Variants in WARS1 observed in about 807,000 individuals in gnomAD.
WARS1 encodes tryptophanyl-tRNA synthetase 1.
A neutral mutation model predicts 47.8 loss-of-function variants in WARS1; 17 were observed. That is an observed-to-expected ratio of 0.36 (90% CI 0.24 to 0.53). The LOEUF (loss-of-function observed/expected upper bound fraction) is 0.53, where lower values mean the gene tolerates loss of function less well. Among genes scored for constraint, WARS1 ranks in the 20% least tolerant of loss-of-function variants. The pLI, the probability that WARS1 is intolerant of heterozygous loss-of-function variation, is 0.91. For missense variants in WARS1, 434 were observed against 608.0 expected (o/e 0.71, Z 3.01); for synonymous variants, 208 against 228.1 (o/e 0.91, Z 0.79).
At position 100,347,234 on chromosome 14, in the gene WARS1, T is replaced by A. The variant is rs141870087; in HGVS notation, c.726-388A>T. On this transcript the variant is annotated intron_variant, in intron 6 of 10. Transcript: ENST00000392882. ...AGTCTGGGAGCCCCCAGGAGCTTCT[T>A]AGCTGAGACATACTGTGTTGTGGGA... 1.2e-4 allele frequency among the ~76,000 whole-genome samples: 18 copies of A among 152,344 alleles called. 1 individual carries two copies. In the East Asian group the frequency reaches 3.3e-3, roughly 28 times the overall value.
intron 2 of WARS1, 93 bp from the exon 3 acceptor site, chr14:100,362,014 T>C: frequency 1.5e-6 from 2 of 1,315,938 alleles, no homozygotes; most frequent in East Asian, 2.4e-5. Context: ...TGTTAAATGC[T>C]TTTACACGTG....
chr14:100,343,739 G>A (rs1013565858), intron 7 of WARS1, among the ~76,000 whole-genome samples: 1 of 152,030 alleles, frequency 6.6e-6, no homozygotes, highest in African/African-American at 2.4e-5. Context: ...TGGGGTTCAA[G>A]TGATTCTCCT....
intron 6 of WARS1, among the ~76,000 whole-genome samples, chr14:100,352,252 C>T (rs1400876719): frequency 6.6e-6 from 1 of 150,924 alleles, no homozygotes; most frequent in East Asian, 2.0e-4. Flanking sequence ...GCTGCAACTA[C>T]AGGAGCACGC....
intron 9 of WARS1, chr14:100,339,983 C>G (rs1207770171): frequency 6.6e-6 from 1 of 152,244 alleles, no homozygotes; most frequent in Non-Finnish European, 1.5e-5. Context: ...GCAGATGTGC[C>G]ATCCGTGGAG....
chr14:100,334,708 G>A lies in WARS1; in HGVS notation c.*167C>T, dbSNP rs190120860. 430 of 689,934 alleles carry A rather than the reference G, an allele frequency of 6.2e-4. No individual in the cohort carries two copies. The African/African-American group carries it at 7.0e-3, about 11-fold the overall frequency. 42.7% of individuals were successfully genotyped at this position (689,934 alleles called of 1,614,324 possible). A position where few individuals can be genotyped will look rare whatever the true frequency, so the allele number is the denominator to read the frequency against. On this transcript the variant is annotated 3_prime_UTR_variant, in exon 11 of 11. Transcript: ENST00000392882. ...TTGCCCATAAGAGATAGAAATAATG[G>A]AACTCACAGGAAGAAACAGTATTGA...
chr14:100,355,799 T>C (rs550679007), intron 4 of WARS1, among the ~76,000 whole-genome samples: 10 of 152,286 alleles, frequency 6.6e-5, no homozygotes, highest in East Asian at 5.8e-4. Context: ...TCATTTTTTT[T>C]CCCCATGAAA....
At chr14:100,336,029 A>G (rs1893697660) in intron 10 of WARS1, among the ~76,000 whole-genome samples, 1 of 151,650 alleles carries the variant, frequency 6.6e-6, no homozygotes. Flanking sequence ...TAATCCAAGC[A>G]CTTTGGGAGG....
At chr14:100,344,612 G>C (rs377570650) in intron 7 of WARS1, among the ~76,000 whole-genome samples, 1 of 148,468 alleles carries the variant, frequency 6.7e-6, no homozygotes, top group African/African-American at 2.5e-5. Context: ...GTCTCTGCCC[G>C]GCCGCCATCC....
At chr14:100,349,123 A>G (rs928971444) in intron 6 of WARS1, among the ~76,000 whole-genome samples, 1 of 152,170 alleles carries the variant, frequency 6.6e-6, no homozygotes, top group Non-Finnish European at 1.5e-5. Context: ...TCACTCTCAG[A>G]CAGGGTTTAA....
At chr14:100,354,183 A>G in intron 5 of WARS1, 1 of 514,934 alleles carries the variant, frequency 1.9e-6, no homozygotes, top group Non-Finnish European at 3.4e-6. Context: ...GAGAAGTAGC[A>G]GGCCCATGGC....
chr14:100,366,175 G>T (rs147078735), intron 2 of WARS1: 2 of 449,554 alleles, frequency 4.4e-6, no homozygotes, highest in East Asian at 7.0e-5. Context: ...AGGGAGCTTC[G>T]GGGAAGGATC....
intron 7 of WARS1, among the ~76,000 whole-genome samples, chr14:100,345,805 C>T (rs1894573760): frequency 6.6e-6 from 1 of 152,258 alleles, no homozygotes; most frequent in South Asian, 2.1e-4. Context: ...TTTGACCTCT[C>T]TATGGCCCGA....
At chr14:100,352,903 G>C (rs1040461056) in intron 6 of WARS1, 2 of 152,158 alleles carry the variant, frequency 1.3e-5, no homozygotes, top group Non-Finnish European at 1.5e-5. Context: ...GAAATATTTT[G>C]GTTTATTAAA....
intron 1 of WARS1, chr14:100,370,407 C>T (rs1896275352): frequency 6.6e-6 from 1 of 152,176 alleles, no homozygotes; most frequent in African/African-American, 2.4e-5. Context: ...GGCATGGTAG[C>T]ACTTTGTAAA....
In WARS1 at chr14:100,334,854, T is replaced by C; in HGVS notation, c.*21A>G. ...CATTACTGATACATCACTTCTTTTA[T>C]AAGCATATGTAAAACGAGTGCTACT... On this transcript the variant is annotated 3_prime_UTR_variant, in exon 11 of 11. Transcript: ENST00000392882. 2 of 1,611,076 alleles carry C rather than the reference T, an allele frequency of 1.2e-6. No homozygotes were observed. The highest frequency in any genetic ancestry group is 1.7e-6 in the Non-Finnish European group (2 of 1,177,694).
intron 2 of WARS1, chr14:100,365,579 CAAAAA>C (rs34591719): frequency 1.0e-3 from 87 of 86,640 alleles, no homozygotes; most frequent in South Asian, 5.0e-3. Flanking sequence ...GACTCAGCCT[CAAAAA>C]AAAAAAAAAA....
intron 6 of WARS1, chr14:100,352,885 T>C (rs1895084409): frequency 6.6e-6 from 1 of 152,258 alleles, no homozygotes; most frequent in African/African-American, 2.4e-5. Context: ...TTGAAGGATT[T>C]TCAGAATGAA....
intron 7 of WARS1, among the ~76,000 whole-genome samples, chr14:100,344,269 G>T (rs948805574): frequency 6.6e-6 from 1 of 152,114 alleles, no homozygotes; most frequent in African/African-American, 2.4e-5. Flanking sequence ...TTTTTTGGTG[G>T]AGACGGGGTT....
chr14:100,358,594 G>C (rs1895476927), intron 4 of WARS1, among the ~76,000 whole-genome samples: 1 of 152,112 alleles, frequency 6.6e-6, no homozygotes, highest in Non-Finnish European at 1.5e-5. Flanking sequence ...GAAACCATAG[G>C]TGTAAATCTT....
Sources: gnomAD v4.1 joint callset for allele counts (sites outside exome capture counted in the v4.1 genomes callset) on GRCh38, gnomAD v4.1.1 for gene constraint, MANE v1.5 for transcripts, NCBI Gene and HGNC (gene_info 2026-07-23, HGNC 2026-07-21) for gene names.